CADM1: variants seen among roughly 807,000 people sequenced by gnomAD.
CADM1 encodes the protein cell adhesion molecule 1.
Under a neutral mutation model 53.1 loss-of-function variants are expected in CADM1, and 15 were observed. That is an observed-to-expected ratio of 0.28 (90% CI 0.19 to 0.44). The LOEUF (loss-of-function observed/expected upper bound fraction) is 0.44, where lower values mean the gene tolerates loss of function less well. CADM1 is among the 20% of genes least tolerant of loss of function. CADM1 has a pLI of 1.00. For synonymous variants in CADM1, 281 were observed against 243.0 expected, an observed-to-expected ratio of 1.16 and a Z score of -1.45; for missense variants, 434 against 611.3, an observed-to-expected ratio of 0.71 and a Z score of 3.06.
chr11:115,363,255 A>T (rs147771282), intron 1 of CADM1, among the ~76,000 whole-genome samples: 1 of 152,258 alleles, frequency 6.6e-6, no homozygotes, highest in Non-Finnish European at 1.5e-5. Context: ...AGTGACCTTA[A>T]ATCGAGGTCA....
intron 8 of CADM1, among the ~76,000 whole-genome samples, chr11:115,199,928 G>C (rs1303380604): frequency 1.3e-5 from 2 of 152,208 alleles, no homozygotes; most frequent in Non-Finnish European, 2.9e-5. Context: ...TAAATGCACT[G>C]GAACTTCATA....
chr11:115,425,630 C>A (rs1947870709), intron 1 of CADM1, among the ~76,000 whole-genome samples: 1 of 152,200 alleles, frequency 6.6e-6, no homozygotes, highest in African/African-American at 2.4e-5. Context: ...GGTTAGATTG[C>A]AACATAGGTT....
intron 5 of CADM1, among the ~76,000 whole-genome samples, chr11:115,225,350 C>G (rs1454128492): frequency 6.6e-6 from 1 of 151,894 alleles, no homozygotes; most frequent in East Asian, 1.9e-4. Flanking sequence ...CTGAAGGGGT[C>G]AACACCTTGC....
intron 3 of CADM1, among the ~76,000 whole-genome samples, chr11:115,236,920 T>C (rs761707259): frequency 6.6e-6 from 1 of 152,148 alleles, no homozygotes; most frequent in African/African-American, 2.4e-5. Context: ...GTTATTATCA[T>C]TTTACTTCTG....
intron 1 of CADM1, among the ~76,000 whole-genome samples, chr11:115,488,765 T>C (rs902983807): frequency 1.3e-5 from 2 of 152,210 alleles, no homozygotes; most frequent in Non-Finnish European, 2.9e-5. Flanking sequence ...TCACAGACTG[T>C]ATAGTCACAC....
At chr11:115,447,681 G>C (rs979994776) in intron 1 of CADM1, among the ~76,000 whole-genome samples, 1 of 152,122 alleles carries the variant, frequency 6.6e-6, no homozygotes, top group South Asian at 2.1e-4. Context: ...GAGCAGAGCA[G>C]CCAGGAGCAA....
At chr11:115,491,807 A>T (rs1442834104) in intron 1 of CADM1, among the ~76,000 whole-genome samples, 1 of 152,186 alleles carries the variant, frequency 6.6e-6, no homozygotes, top group African/African-American at 2.4e-5. Flanking sequence ...TTGCAGGGAC[A>T]TGGATGAAGC....
At chr11:115,315,693 A>C (rs1944647249) in intron 1 of CADM1, among the ~76,000 whole-genome samples, 1 of 152,070 alleles carries the variant, frequency 6.6e-6, no homozygotes, top group Non-Finnish European at 1.5e-5. Context: ...TGGAATAATC[A>C]AAACACCACC....
intron 1 of CADM1, among the ~76,000 whole-genome samples, chr11:115,499,717 C>A (rs1465600152): frequency 6.6e-6 from 1 of 152,214 alleles, no homozygotes; most frequent in Non-Finnish European, 1.5e-5. Context: ...CCCTCCCTGG[C>A]CTTCGGCTAC....
chr11:115,190,426 CT>C (rs1939789764), intron 10 of CADM1, among the ~76,000 whole-genome samples: 1 of 152,052 alleles, frequency 6.6e-6, no homozygotes. Context: ...TTCCCCACCC[CT>C]GACTTCTAAG....
chr11:115,216,473 T>C (rs1193564253), intron 6 of CADM1, among the ~76,000 whole-genome samples: 1 of 148,832 alleles, frequency 6.7e-6, no homozygotes, highest in Admixed American at 6.7e-5. Flanking sequence ...CCTCTGAGAA[T>C]TTTTTTTTCT....
intron 1 of CADM1, among the ~76,000 whole-genome samples, chr11:115,372,010 T>C (rs1946320624): frequency 6.6e-6 from 1 of 152,206 alleles, no homozygotes; most frequent in Non-Finnish European, 1.5e-5. Flanking sequence ...AATGAGTTCA[T>C]GTGATAATGG....
intron 1 of CADM1, among the ~76,000 whole-genome samples, chr11:115,262,449 C>T (rs1230770138): frequency 6.6e-6 from 1 of 152,140 alleles, no homozygotes; most frequent in South Asian, 2.1e-4. Flanking sequence ...GATCAGGGAG[C>T]CTTTTGTGGT....
At chr11:115,420,814 A>G (rs763014110) in intron 1 of CADM1, among the ~76,000 whole-genome samples, 2 of 152,124 alleles carry the variant, frequency 1.3e-5, no homozygotes, top group Non-Finnish European at 2.9e-5. Flanking sequence ...CTCCTGATTC[A>G]ATGCTGCTGT....
intron 1 of CADM1, among the ~76,000 whole-genome samples, chr11:115,268,535 A>C: frequency 6.6e-6 from 1 of 152,212 alleles, no homozygotes; most frequent in Non-Finnish European, 1.5e-5. Flanking sequence ...TGCTCAATAA[A>C]AAAAGCCACA....
At chr11:115,495,516 C>T (rs191636447) in intron 1 of CADM1, among the ~76,000 whole-genome samples, 4 of 152,122 alleles carry the variant, frequency 2.6e-5, no homozygotes, top group Non-Finnish European at 5.9e-5. Context: ...AAGATCCTTA[C>T]GATAACAAAT....
chr11:115,209,918 A>T (rs2134736258), intron 7 of CADM1, among the ~76,000 whole-genome samples: 1 of 152,310 alleles, frequency 6.6e-6, no homozygotes, highest in Admixed American at 6.5e-5. Context: ...GGGGAGGAAA[A>T]ATCAAAACAT....
At chr11:115,310,130 A>C (rs979864858) in intron 1 of CADM1, among the ~76,000 whole-genome samples, 4 of 152,174 alleles carry the variant, frequency 2.6e-5, no homozygotes, top group Non-Finnish European at 5.9e-5. Flanking sequence ...TCATATATGC[A>C]CGATGGGGAA....
intron 1 of CADM1, among the ~76,000 whole-genome samples, chr11:115,287,118 A>G (rs1483788938): frequency 6.6e-6 from 1 of 152,206 alleles, no homozygotes; most frequent in African/African-American, 2.4e-5. Flanking sequence ...TCCAAAGAAA[A>G]GCAGGAACAC....
Sources: gnomAD v4.1 joint callset for allele counts (sites outside exome capture counted in the v4.1 genomes callset) on GRCh38, gnomAD v4.1.1 for gene constraint, MANE v1.5 for transcripts, NCBI Gene and HGNC (gene_info 2026-07-23, HGNC 2026-07-21) for gene names.